The following FAAH variants were observed in gnomAD, a reference collection of about 807,000 sequenced individuals.
The protein encoded by FAAH is fatty-acid amide hydrolase 1.
FAAH carries 63 observed loss-of-function variants against 69.7 expected under a neutral mutation model. The observed-to-expected ratio is 0.90, with a 90% CI of 0.74 to 1.12. The LOEUF is 1.12. Among genes scored for constraint, FAAH ranks in the 50% most tolerant of loss-of-function variants. The probability of loss-of-function intolerance (pLI) is 0.00; values close to 1 mark genes in which losing one functional copy is unlikely to be tolerated. For synonymous variants in FAAH, 305 were observed against 324.2 expected, an observed-to-expected ratio of 0.94 and a Z score of 0.64; for missense variants, 680 against 755.0, an observed-to-expected ratio of 0.90 and a Z score of 1.16.
intron 1 of FAAH, among the ~76,000 whole-genome samples, chr1:46,398,126 G>C (rs964173378): frequency 6.6e-6 from 1 of 152,066 alleles, no homozygotes; most frequent in Non-Finnish European, 1.5e-5. Flanking sequence ...GTAGAGATGG[G>C]ATTTCACCAT....
intron 7 of FAAH, among the ~76,000 whole-genome samples, chr1:46,407,863 G>T (rs572286215): frequency 6.0e-4 from 92 of 152,260 alleles, no homozygotes; most frequent in Non-Finnish European, 1.1e-3. Flanking sequence ...TCTTGCCCTC[G>T]CCCCAGCCAA....
At chr1:46,399,999 A>G (rs3766246) in intron 1 of FAAH, among the ~76,000 whole-genome samples, 78,677 of 151,936 alleles carry the variant, frequency 0.52, 22,028 homozygotes, top group Middle Eastern at 0.64. Context: ...AGGATTATCT[A>G]GTGTGTTTGG....
intron 7 of FAAH, among the ~76,000 whole-genome samples, chr1:46,407,828 A>G (rs745351127): frequency 5.3e-5 from 8 of 152,206 alleles, no homozygotes; most frequent in African/African-American, 1.4e-4. Flanking sequence ...TCAGCAGTCC[A>G]GCGATTGTCT....
Position 46,394,482 on chromosome 1 carries a change from G to A in FAAH, c.134G>A (p.Arg45Gln), listed in dbSNP as rs199546813. 2.2e-6 allele frequency: 3 copies of A among 1,394,594 alleles called. No homozygotes were observed. In the African/African-American group the frequency reaches 4.5e-5, roughly 21 times the overall value. 86.4% of individuals were successfully genotyped at this position (1,394,594 alleles called of 1,614,324 possible). A position where few individuals can be genotyped will look rare whatever the true frequency, so the allele number is the denominator to read the frequency against. ...RTARGAVVRA[R>Q]QRQRAGLENM... is the part of the protein sequence containing the mutation. ...GCGCGGGGCGCGGTGGTCCGGGCGC[G>A]ACAGAGGCAGCGAGCGGGCCTGGAG... The change falls in exon 1 of 15, where the codon CGA becomes CAA. Residue 45 changes from arginine to glutamine, a missense_variant. Transcript: ENST00000243167.
chr1:46,412,892 G>A lies in FAAH; in HGVS notation c.1466-183G>A, dbSNP rs183790669. On this transcript the variant is annotated intron_variant, in intron 13 of 14. Transcript: ENST00000243167. ...GCAAAGGCATGGGGCAAACATCAGT[G>A]GGTTGTCCAGCCCGGCCCTGAAATC... Among the ~76,000 whole-genome samples, 219 of 152,320 alleles carry A rather than the reference G, an allele frequency of 1.4e-3. 2 individuals are homozygous for A. Among genetic ancestry groups the A allele is most frequent in the African/African-American group, 4.7e-3 (194 of 41,582 alleles).
chr1:46,410,147 T>A lies in FAAH; in HGVS notation c.1176-251T>A. The A allele has an allele frequency of 4.0e-6, 2 of 500,934 alleles. No individual in the cohort carries two copies. The highest frequency in any genetic ancestry group is 3.7e-6 in the Non-Finnish European group (1 of 273,484). The allele number at this position is 500,934 out of a possible 1,614,324, so 31.0% of individuals were successfully genotyped here. A position where few individuals can be genotyped will look rare whatever the true frequency, so the allele number is the denominator to read the frequency against. On this transcript the variant is annotated intron_variant, in intron 9 of 14. Transcript: ENST00000243167. This position sits in a 1 kb window ranked among gnomAD's most constrained non-coding sequence, Gnocchi z 4.9. Reference sequence around the variant, plus strand: ...AGATGTTGCCCTCAGTTCTTAGAGCTCTGAGCTGGGTTTGCTGGAGAGGGA... The same window carrying A: ...AGATGTTGCCCTCAGTTCTTAGAGCACTGAGCTGGGTTTGCTGGAGAGGGA...
At chr1:46,403,916 AAT>A (rs1664747020) in intron 2 of FAAH, among the ~76,000 whole-genome samples, 1 of 152,234 alleles carries the variant, frequency 6.6e-6, no homozygotes, top group African/African-American at 2.4e-5. Flanking sequence ...ATGCTCAAGA[AAT>A]ATGTTTGAAA....
rs1235335550 is a variant in FAAH at position 46,404,607 on chromosome 1, G to A, written c.310-407G>A. ...AGTCCTGCTCTGTGGTTGCCCTTCA[G>A]TGTGACCAGTGATGGGGCGCTGCCC... On this transcript the variant is annotated intron_variant, in intron 2 of 14. Transcript: ENST00000243167. This position sits in a 1 kb window ranked among gnomAD's most constrained non-coding sequence, Gnocchi z 4.5. Among the ~76,000 whole-genome samples, 1 of 152,234 alleles carries A rather than the reference G, an allele frequency of 6.6e-6. No individual in the cohort carries two copies. Among genetic ancestry groups the A allele is most frequent in the Non-Finnish European group, 1.5e-5 (1 of 68,044 alleles).
chr1:46,399,906 T>C (rs749962592), intron 1 of FAAH, among the ~76,000 whole-genome samples: 51 of 152,152 alleles, frequency 3.4e-4, no homozygotes, highest in Non-Finnish European at 5.9e-4. Context: ...TTTTCCTTTA[T>C]AGAGGAGGGA....
Position 46,405,895 on chromosome 1 carries a change from T to C in FAAH, c.785+101T>C. On this transcript the variant is annotated intron_variant, in intron 5 of 14. Transcript: ENST00000243167. This position sits in a 1 kb window ranked among gnomAD's most constrained non-coding sequence, Gnocchi z 4.1. ...GGCGGGGATTCGGTCTCCGGGGTTT[T>C]GCTGGGAGGAAGCATTACAGTACCA... The C allele has an allele frequency of 6.2e-7, 1 of 1,608,324 alleles. No homozygotes were observed.
intron 1 of FAAH, among the ~76,000 whole-genome samples, chr1:46,395,600 T>A (rs988402185): frequency 6.6e-6 from 1 of 152,214 alleles, no homozygotes; most frequent in Non-Finnish European, 1.5e-5. Context: ...GAGGGCTTGC[T>A]GTATCTGTGG....
At chr1:46,406,645 C>T (rs1197968254) in intron 7 of FAAH, among the ~76,000 whole-genome samples, 2 of 146,190 alleles carry the variant, frequency 1.4e-5, no homozygotes, top group Admixed American at 1.4e-4. Context: ...TGCAGTGGCG[C>T]GATCTCGGCT....
chr1:46,406,611 A>C lies in FAAH; in HGVS notation c.951+243A>C, dbSNP rs140520676. On this transcript the variant is annotated intron_variant, in intron 7 of 14. Transcript: ENST00000243167. Reference sequence around the variant, plus strand: ...TTTTTTTTTTTTTTTGAGACTGAGTATCGCTCTGTCCCTCAGGCTGGAGTG... The same window carrying C: ...TTTTTTTTTTTTTTTGAGACTGAGTCTCGCTCTGTCCCTCAGGCTGGAGTG... 6.5e-3 allele frequency among the ~76,000 whole-genome samples: 772 copies of C among 117,886 alleles called. 9 individuals carry two copies. The highest frequency in any genetic ancestry group is 0.061 in the Middle Eastern group (7 of 114). 77.3% of individuals were successfully genotyped at this position (117,886 alleles called of 152,430 possible).
rs1664960804 is a variant in FAAH at position 46,413,802 on chromosome 1, A to G, written c.*227A>G. 1 of 597,030 alleles carries G rather than the reference A, an allele frequency of 1.7e-6. No homozygotes were observed. The highest frequency in any genetic ancestry group is 1.9e-5 in the South Asian group (1 of 53,492). The allele number at this position is 597,030 out of a possible 1,614,324, so 37.0% of individuals were successfully genotyped here. A position where few individuals can be genotyped will look rare whatever the true frequency, so the allele number is the denominator to read the frequency against. ...TCCCTCCACCCCCATGTGGCAGCCC[A>G]TGGGTATGACATAGGCCAAGGCCCA... On this transcript the variant is annotated 3_prime_UTR_variant, in exon 15 of 15. Coordinates refer to ENST00000243167, the MANE Select transcript of FAAH (RefSeq NM_001441.3).
At chr1:46,409,338 G>T in intron 9 of FAAH, 140 bp downstream of exon 9, 1 of 720,986 alleles carries the variant, frequency 1.4e-6, no homozygotes, top group Non-Finnish European at 2.5e-6. Flanking sequence ...GGACCTCGCT[G>T]TCCCTCCAGC....
intron 13 of FAAH, 128 bp from the exon 14 acceptor site, chr1:46,412,947 C>A: frequency 8.6e-7 from 1 of 1,159,432 alleles, no homozygotes; most frequent in Non-Finnish European, 1.3e-6. Flanking sequence ...ACTCAGACCT[C>A]AGTCCTGGGA....
At position 46,402,098 on chromosome 1, in the gene FAAH, A is replaced by G. The variant is rs776825453; in HGVS notation, c.203A>G (p.Asp68Gly). ...CGAGTTTGTTCCCCACAGAACCCAG[A>G]CCTGGACTCAGAGGCGCTGCTAGCC... ...AAQRFRLQNP[D>G]LDSEALLALP... The change falls in exon 2 of 15, where the codon GAC becomes GGC. Residue 68 changes from aspartate (D) to glycine (G), a missense_variant. Coordinates refer to ENST00000243167, the MANE Select transcript of FAAH (RefSeq NM_001441.3). 5.2e-5 allele frequency: 83 copies of G among 1,606,572 alleles called. 1 individual carries two copies. The South Asian group carries it at 7.8e-4, about 15-fold the overall frequency.
chr1:46,406,314 T>C lies in FAAH; in HGVS notation c.897T>C (p.Cys299=), dbSNP rs324419. The change falls in exon 7 of 15, where the codon TGT becomes TGC. Residue 299 remains cysteine, a synonymous_variant. Coordinates refer to ENST00000243167, the MANE Select transcript of FAAH (RefSeq NM_001441.3). ...SLALCLRALL[C]EDMFRLDPTV... ...CACTGTGCCTGCGAGCCCTGCTGTG[T>C]GAGGACATGTTCCGCTTGGACCCCA... The C allele has an allele frequency of 0.85, 1,368,215 of 1,614,010 alleles. 581,262 individuals carry two copies. The highest frequency in any genetic ancestry group is 1 in the East Asian group (44,809 of 44,866).
chr1:46,400,570 A>G (rs1664679979), intron 1 of FAAH, among the ~76,000 whole-genome samples: 1 of 151,462 alleles, frequency 6.6e-6, no homozygotes, highest in South Asian at 2.1e-4. Context: ...CATTTCCTGA[A>G]CACCTGGATG....
Sources: allele counts gnomAD v4.1 joint callset (sites outside exome capture counted in the v4.1 genomes callset), GRCh38; gene constraint gnomAD v4.1.1; non-coding constraint Gnocchi (gnomAD v3.1); transcripts MANE v1.5; gene names NCBI Gene and HGNC (gene_info 2026-07-23, HGNC 2026-07-21).